RAB35: variants seen among roughly 807,000 people sequenced by gnomAD.
RAB35 encodes the protein ras-related protein Rab-35.
Under a neutral mutation model 28.9 loss-of-function variants are expected in RAB35, and 4 were observed. That is an observed-to-expected ratio of 0.14 (90% CI 0.07 to 0.32). The LOEUF (loss-of-function observed/expected upper bound fraction) is 0.32, where lower values mean the gene tolerates loss of function less well. Among genes scored for constraint, RAB35 ranks in the 10% least tolerant of loss-of-function variants. The pLI, the probability that RAB35 is intolerant of heterozygous loss-of-function variation, is 1.00. For synonymous variants in RAB35, 99 were observed against 105.1 expected (o/e 0.94, Z 0.35); for missense variants, 128 against 274.0 (o/e 0.47, Z 3.76).
intron 4 of RAB35, 30 bp from the exon 5 acceptor site, chr12:120,098,965 C>A: frequency 1.2e-6 from 2 of 1,614,088 alleles, no homozygotes; most frequent in Middle Eastern, 1.6e-4. Flanking sequence ...CAGCGCAGCC[C>A]TGAGGGGCGC....
At chr12:120,106,598 T>C (rs1023049174) in intron 2 of RAB35, among the ~76,000 whole-genome samples, 26 of 149,260 alleles carry the variant, frequency 1.7e-4, no homozygotes, top group East Asian at 3.9e-4. Context: ...TTTCTTTTTT[T>C]TTTTTTTTTT....
At chr12:120,102,158 T>C (rs779507639) in intron 3 of RAB35, among the ~76,000 whole-genome samples, 3 of 152,128 alleles carry the variant, frequency 2.0e-5, no homozygotes, top group Admixed American at 6.5e-5. Flanking sequence ...CCCACTGAGT[T>C]AGGAGGCTTC....
Position 120,103,368 on chromosome 12 carries a change from G to A in RAB35, c.227+458C>T, listed in dbSNP as rs574635915. On this transcript the variant is annotated intron_variant, in intron 3 of 5. Transcript: ENST00000229340. This position sits in a 1 kb window ranked among gnomAD's most constrained non-coding sequence, Gnocchi z 6.1. ...TGCACCGTGTTCGTCTCTAGACAGC[G>A]TCACTTCCAAGGCATCAGTGCAGGT... is the stretch of plus-strand genomic sequence containing the variant. Among the ~76,000 whole-genome samples, 2 of 152,298 alleles carry A rather than the reference G, an allele frequency of 1.3e-5. No individual in the cohort carries two copies. Among genetic ancestry groups the A allele is most frequent in the Admixed American group, 6.5e-5 (1 of 15,300 alleles).
intron 3 of RAB35, 114 bp from the exon 4 acceptor site, chr12:120,099,268 A>C: frequency 7.2e-7 from 1 of 1,386,172 alleles, no homozygotes; most frequent in Non-Finnish European, 9.8e-7. Flanking sequence ...GTGGCCCTGG[A>C]GCCTGGGCTC....
chr12:120,107,578 A>G (rs1263277693), intron 2 of RAB35, among the ~76,000 whole-genome samples: 2 of 152,046 alleles, frequency 1.3e-5, no homozygotes, highest in Non-Finnish European at 2.9e-5. Flanking sequence ...GCACAAGAAT[A>G]AGTATCAGCT....
At chr12:120,111,977 G>A (rs757753565) in intron 1 of RAB35, among the ~76,000 whole-genome samples, 1 of 150,454 alleles carries the variant, frequency 6.6e-6, no homozygotes, top group African/African-American at 2.4e-5. Flanking sequence ...AGTCCAGCCT[G>A]TCATTCTTTT....
intron 5 of RAB35, among the ~76,000 whole-genome samples, 184 bp from the exon 6 acceptor site, chr12:120,097,557 A>G (rs1285718781): frequency 6.6e-6 from 1 of 152,184 alleles, no homozygotes; most frequent in Non-Finnish European, 1.5e-5. Flanking sequence ...TCAAAAAGGA[A>G]CAACATTGCT....
At chr12:120,111,668 G>A (rs1314853705) in intron 1 of RAB35, among the ~76,000 whole-genome samples, 6 of 151,252 alleles carry the variant, frequency 4.0e-5, no homozygotes, top group Non-Finnish European at 7.4e-5. Context: ...GCGACAGAGC[G>A]AGACTCCATC....
In RAB35 at chr12:120,096,466, T is replaced by G. The variant is rs763459350; in HGVS notation, c.*779A>C. On this transcript the variant is annotated 3_prime_UTR_variant, in exon 6 of 6. Transcript: ENST00000229340. Reference sequence around the variant, plus strand: ...TGCCAGCCCCATCTCTGCACGAACCTACCCCGACCTTTCTGTTGGAACTGA... The same window carrying G: ...TGCCAGCCCCATCTCTGCACGAACCGACCCCGACCTTTCTGTTGGAACTGA... The G allele has an allele frequency of 4.2e-5, 54 of 1,289,664 alleles. No individual in the cohort carries two copies. In the African/African-American group the frequency reaches 5.3e-4, roughly 13 times the overall value. The allele number at this position is 1,289,664 out of a possible 1,614,324, so 79.9% of individuals were successfully genotyped here. A position where few individuals can be genotyped will look rare whatever the true frequency, so the allele number is the denominator to read the frequency against.
chr12:120,106,624 A>C, intron 2 of RAB35, among the ~76,000 whole-genome samples: 1 of 130,518 alleles, frequency 7.7e-6, no homozygotes, highest in Non-Finnish European at 1.5e-5. Flanking sequence ...ACGGAGTCTC[A>C]CTCTGTCGCC....
chr12:120,108,623 C>A (rs778014868), intron 1 of RAB35, 156 bp from the exon 2 acceptor site: 1 of 727,808 alleles, frequency 1.4e-6, no homozygotes, highest in South Asian at 1.5e-5. Flanking sequence ...CCCTGAGCGG[C>A]CACACACCAA....
In RAB35 at chr12:120,112,628, C is replaced by G. The variant is rs549906988; in HGVS notation, c.52+3971G>C. ...TTCTTTTTGTTGAGACAGGGCCTCC[C>G]TATGTTGCCCAGGCTGGTCTCAAAC... On this transcript the variant is annotated intron_variant, in intron 1 of 5. Coordinates refer to ENST00000229340, the MANE Select transcript of RAB35 (RefSeq NM_006861.7). Among the ~76,000 whole-genome samples the G allele has an allele frequency of 5.9e-5, 9 of 151,854 alleles. 1 individual carries two copies. The South Asian group carries it at 1.9e-3, about 32-fold the overall frequency.
rs936432807 is a variant in RAB35, at chr12:120,099,142, C to G, written c.240G>C (p.Gly80=). 5 of 1,614,250 alleles carry G rather than the reference C, an allele frequency of 3.1e-6. No homozygotes were observed. Among genetic ancestry groups the G allele is most frequent in the Non-Finnish European group, 4.2e-6 (5 of 1,180,040 alleles). ...CGTAAACCACAATGACCCCGTGGGT[C>G]CCCCGATAATACCTGCAGGGCCAGA... is the stretch of plus-strand genomic sequence containing the variant. ...FRTITSTYYR[G]THGVIVVYDV... Residue 80 remains glycine (G), a synonymous_variant, in exon 4 of 6, where the codon GGG becomes GGC. Coordinates refer to ENST00000229340, the MANE Select transcript of RAB35 (RefSeq NM_006861.7).
chr12:120,096,634 T>C lies in RAB35; in HGVS notation c.*611A>G. 1.6e-6 allele frequency: 2 copies of C among 1,289,824 alleles called. No homozygotes were observed. The allele number at this position is 1,289,824 out of a possible 1,614,324, so 79.9% of individuals were successfully genotyped here. A position where few individuals can be genotyped will look rare whatever the true frequency, so the allele number is the denominator to read the frequency against. On this transcript the variant is annotated 3_prime_UTR_variant, in exon 6 of 6. Transcript: ENST00000229340. ...TGCAGGGCCTGCCTTGAGACCAGGT[T>C]CCCCAGCTCCCAGAATGGCTGTGGG...
intron 2 of RAB35, among the ~76,000 whole-genome samples, chr12:120,107,866 C>CAAAAAAAAAAAAAAAAAAACAAAAA (rs1875951505): frequency 3.1e-5 from 1 of 31,976 alleles, no homozygotes; most frequent in Non-Finnish European, 7.0e-5. Flanking sequence ...GACTCCATCT[C>CAAAAAAAAAAAAAAAAAAACAAAAA]AAAAAAAAAA....
chr12:120,111,636 G>A (rs1421435357), intron 1 of RAB35, among the ~76,000 whole-genome samples: 6 of 151,484 alleles, frequency 4.0e-5, no homozygotes, highest in African/African-American at 1.5e-4. Context: ...AACTGAGATC[G>A]TGTCACTGCA....
chr12:120,102,257 C>T lies in RAB35; in HGVS notation c.227+1569G>A, dbSNP rs141576736. The stretch of plus-strand genomic sequence containing the variant: ...TTAACCAAAATAAAGCAGCTGAAAT[C>T]CTAGCGACAGGACCAACCCAGAGCA... On this transcript the variant is annotated intron_variant, in intron 3 of 5. Coordinates refer to ENST00000229340, the MANE Select transcript of RAB35 (RefSeq NM_006861.7). Among the ~76,000 whole-genome samples, 1,494 of 152,350 alleles carry T rather than the reference C, an allele frequency of 9.8e-3. 16 individuals are homozygous for T. Among genetic ancestry groups the T allele is most frequent in the Non-Finnish European group, 0.015 (1,004 of 68,026 alleles).
chr12:120,110,937 G>T (rs1055270593), intron 1 of RAB35, among the ~76,000 whole-genome samples: 1 of 152,180 alleles, frequency 6.6e-6, no homozygotes, highest in African/African-American at 2.4e-5. Context: ...CCTTCACGGC[G>T]CTGTGCCCAA....
At chr12:120,104,582 A>G (rs994839341) in intron 2 of RAB35, among the ~76,000 whole-genome samples, 1 of 152,218 alleles carries the variant, frequency 6.6e-6, no homozygotes, top group Non-Finnish European at 1.5e-5. Context: ...AAAGGGTTTT[A>G]ATCAGTGGCA....
Sources: gnomAD v4.1 joint callset for allele counts (sites outside exome capture counted in the v4.1 genomes callset) on GRCh38, gnomAD v4.1.1 for gene constraint, Gnocchi (gnomAD v3.1) non-coding constraint, MANE v1.5 for transcripts, NCBI Gene and HGNC (gene_info 2026-07-23, HGNC 2026-07-21) for gene names.